Variants in PTPRD observed in about 807,000 individuals in gnomAD.
The protein encoded by PTPRD is protein tyrosine phosphatase receptor type D.
PTPRD carries 34 observed loss-of-function variants against 214.5 expected under a neutral mutation model. The ratio of observed to expected loss-of-function variants is 0.16; its 90% CI spans 0.12 to 0.21. PTPRD has a LOEUF of 0.21. Among genes scored for constraint, PTPRD ranks in the 10% least tolerant of loss-of-function variants. The probability of loss-of-function intolerance (pLI) is 1.00; values close to 1 mark genes in which losing one functional copy is unlikely to be tolerated. For synonymous variants in PTPRD, 1,128 were observed against 845.7 expected, an observed-to-expected ratio of 1.33 and a Z score of -5.79; for missense variants, 2,545 against 2,398.7, an observed-to-expected ratio of 1.06 and a Z score of -1.27.
At chr9:9,943,417 C>T (rs555407616) in intron 4 of PTPRD, among the ~76,000 whole-genome samples, 1 of 151,604 alleles carries the variant, frequency 6.6e-6, no homozygotes, top group Non-Finnish European at 1.5e-5. Context: ...GTTTGAAATT[C>T]ATTCATTCAT....
intron 14 of PTPRD, among the ~76,000 whole-genome samples, chr9:8,607,364 G>T (rs919854317): frequency 6.6e-6 from 1 of 152,168 alleles, no homozygotes; most frequent in South Asian, 2.1e-4. Flanking sequence ...TAGGAATAGG[G>T]CCGGGTGCGG....
intron 5 of PTPRD, among the ~76,000 whole-genome samples, chr9:9,874,788 T>G (rs910588244): frequency 1.3e-5 from 2 of 152,170 alleles, no homozygotes; most frequent in African/African-American, 4.8e-5. Context: ...TCCTGTACAT[T>G]TGGAAACGTA....
intron 11 of PTPRD, among the ~76,000 whole-genome samples, chr9:8,736,466 A>C (rs2090426345): frequency 6.6e-6 from 1 of 152,222 alleles, no homozygotes. Flanking sequence ...AAAATTTTTG[A>C]CAGGAAATAC....
chr9:8,326,996 T>C (rs1365356708), intron 44 of PTPRD, among the ~76,000 whole-genome samples: 1 of 146,950 alleles, frequency 6.8e-6, no homozygotes, highest in African/African-American at 2.5e-5. Context: ...CCTGGATTCA[T>C]TGATTTTTTG....
chr9:10,020,208 C>T (rs1305478011), intron 4 of PTPRD, among the ~76,000 whole-genome samples: 1 of 152,194 alleles, frequency 6.6e-6, no homozygotes, highest in South Asian at 2.1e-4. Context: ...TTTATTTGGA[C>T]ATTGTTTTCT....
intron 11 of PTPRD, among the ~76,000 whole-genome samples, chr9:8,769,869 T>C (rs1458217763): frequency 6.6e-6 from 1 of 151,044 alleles, no homozygotes; most frequent in South Asian, 2.1e-4. Context: ...AGGATGCCAG[T>C]AATTGCAAGC....
intron 2 of PTPRD, among the ~76,000 whole-genome samples, chr9:10,431,889 G>C (rs1432702020): frequency 1.3e-5 from 2 of 151,948 alleles, no homozygotes; most frequent in African/African-American, 4.8e-5. Flanking sequence ...GATTCCTTAG[G>C]GATCTAGAGC....
intron 2 of PTPRD, among the ~76,000 whole-genome samples, chr9:10,579,578 T>A (rs920511630): frequency 2.0e-5 from 3 of 152,216 alleles, no homozygotes; most frequent in African/African-American, 7.2e-5. Flanking sequence ...GATTAACATA[T>A]AAGCGCATGA....
intron 39 of PTPRD, among the ~76,000 whole-genome samples, chr9:8,347,556 T>A (rs995760753): frequency 1.3e-5 from 2 of 152,140 alleles, no homozygotes; most frequent in African/African-American, 4.8e-5. Context: ...GTAGAGCACC[T>A]TTGAGGAAGT....
At chr9:9,293,903 A>AG (rs1952076976) in intron 9 of PTPRD, among the ~76,000 whole-genome samples, 2 of 148,630 alleles carry the variant, frequency 1.3e-5, no homozygotes, top group African/African-American at 4.9e-5. Flanking sequence ...CTCAGCATTC[A>AG]GTTTTTTTTA....
chr9:8,443,745 A>C (rs1476619195), intron 34 of PTPRD, among the ~76,000 whole-genome samples: 1 of 152,180 alleles, frequency 6.6e-6, no homozygotes, highest in Non-Finnish European at 1.5e-5. Flanking sequence ...ATGCAGGCAG[A>C]GGGGAAGGTA....
chr9:9,545,935 T>C (rs191722609), intron 8 of PTPRD, among the ~76,000 whole-genome samples: 3 of 151,922 alleles, frequency 2.0e-5, no homozygotes, highest in East Asian at 1.9e-4. Context: ...GTATGGAATA[T>C]CTTCCCACTT....
In PTPRD at chr9:8,933,534, G is replaced by T. The variant is rs889915924; in HGVS notation, c.-104+85163C>A. Reference sequence around the variant, plus strand: ...CAAGTCCACAGACAAAGAATGACTTGAATCAGTTTTCTAATGCATGTGACT... The same window carrying T: ...CAAGTCCACAGACAAAGAATGACTTTAATCAGTTTTCTAATGCATGTGACT... On this transcript the variant is annotated intron_variant, in intron 11 of 45. Transcript: ENST00000381196. 5.3e-4 allele frequency among the ~76,000 whole-genome samples: 81 copies of T among 151,946 alleles called. 1 individual carries two copies. The highest frequency in any genetic ancestry group is 1.9e-3 in the African/African-American group (78 of 41,460).
chr9:9,612,086 T>C (rs1235864280), intron 7 of PTPRD, among the ~76,000 whole-genome samples: 3 of 152,170 alleles, frequency 2.0e-5, no homozygotes, highest in Non-Finnish European at 4.4e-5. Flanking sequence ...AAATTTTATC[T>C]ATATATAATG....
intron 10 of PTPRD, among the ~76,000 whole-genome samples, chr9:9,021,960 C>T (rs2154370307): frequency 6.7e-6 from 1 of 150,272 alleles, no homozygotes; most frequent in South Asian, 2.1e-4. Context: ...ACATCACACA[C>T]TGGGACATGT....
At chr9:9,784,858 T>A in intron 5 of PTPRD, among the ~76,000 whole-genome samples, 1 of 149,578 alleles carries the variant, frequency 6.7e-6, no homozygotes, top group East Asian at 2.0e-4. Flanking sequence ...GTATTATATA[T>A]TATATATATA....
intron 3 of PTPRD, among the ~76,000 whole-genome samples, chr9:10,275,298 T>C (rs2154385494): frequency 6.6e-6 from 1 of 152,248 alleles, no homozygotes; most frequent in East Asian, 1.9e-4. Context: ...TATAAAAAGA[T>C]ACCATATGGG....
intron 2 of PTPRD, among the ~76,000 whole-genome samples, chr9:10,496,432 C>G (rs887589692): frequency 2.0e-5 from 3 of 151,990 alleles, no homozygotes; most frequent in Admixed American, 6.6e-5. Context: ...TATTTAGCAG[C>G]TAATTTATTA....
intron 5 of PTPRD, among the ~76,000 whole-genome samples, chr9:9,818,083 T>A (rs1036744242): frequency 2.0e-5 from 3 of 152,190 alleles, no homozygotes; most frequent in African/African-American, 7.2e-5. Context: ...ATATGATACT[T>A]ATTTAGCTGA....
Sources: allele counts gnomAD v4.1 joint callset (sites outside exome capture counted in the v4.1 genomes callset), GRCh38; gene constraint gnomAD v4.1.1; transcripts MANE v1.5; gene names NCBI Gene and HGNC (gene_info 2026-07-23, HGNC 2026-07-21).